CEP192: variants seen among roughly 807,000 people sequenced by gnomAD.
CEP192 encodes the protein centrosomal protein of 192 kDa.
A neutral mutation model predicts 271.8 loss-of-function variants in CEP192; 151 were observed. The observed-to-expected ratio is 0.56, with a 90% CI of 0.49 to 0.64. The LOEUF is 0.64. CEP192 is among the 30% of genes least tolerant of loss of function. The pLI is 0.00. For synonymous variants in CEP192, 995 were observed against 1,076.5 expected (o/e 0.92, Z 1.48); for missense variants, 2,910 against 3,020.5 (o/e 0.96, Z 0.86).
At chr18:13,026,408 C>G (rs542614682) in intron 9 of CEP192, among the ~76,000 whole-genome samples, 3 of 152,190 alleles carry the variant, frequency 2.0e-5, no homozygotes, top group Admixed American at 2.0e-4. Flanking sequence ...ATTTGGAGTT[C>G]TGTGAGCTTC....
At chr18:13,052,506 A>G (rs1161153063) in intron 17 of CEP192, among the ~76,000 whole-genome samples, 1 of 152,174 alleles carries the variant, frequency 6.6e-6, no homozygotes, top group African/African-American at 2.4e-5. Context: ...TGCTCAACCA[A>G]AAGTTGTACC....
At chr18:13,122,047 G>A (rs1451170218) in intron 44 of CEP192, among the ~76,000 whole-genome samples, 1 of 152,042 alleles carries the variant, frequency 6.6e-6, no homozygotes, top group African/African-American at 2.4e-5. Flanking sequence ...CCAACATTTT[G>A]GGAGGCCAAG....
At chr18:13,096,448 C>T in intron 36 of CEP192, 141 bp downstream of exon 36, 1 of 1,073,176 alleles carries the variant, frequency 9.3e-7, no homozygotes, top group African/African-American at 1.6e-5. Flanking sequence ...GTGCATGGTT[C>T]TGCAGGTCAG....
intron 30 of CEP192, among the ~76,000 whole-genome samples, chr18:13,081,051 T>G (rs776527485): frequency 4.6e-5 from 7 of 152,238 alleles, no homozygotes; most frequent in Non-Finnish European, 8.8e-5. Context: ...AGTATTTTAT[T>G]GAAGATTTTC....
At position 13,057,658 on chromosome 18, in the gene CEP192, C is replaced by A; in HGVS notation, c.4182C>A (p.Leu1394=). Residue 1394 remains leucine, a synonymous_variant, in exon 20 of 45, where the codon CTC becomes CTA. Coordinates refer to ENST00000506447, the MANE Select transcript of CEP192 (RefSeq NM_032142.4). ...CCVGIASQTL[L]SVLNPTDRWL... is the part of the protein sequence containing the mutation. ...TCGGGATCGCTTCCCAGACCCTCCTCAGTGTGCTTAATCCAACTGACCGCT... is the reference window on the plus strand; with the variant it reads ...TCGGGATCGCTTCCCAGACCCTCCTAAGTGTGCTTAATCCAACTGACCGCT... The A allele has an allele frequency of 1.2e-6, 2 of 1,614,172 alleles. No homozygotes were observed. The highest frequency in any genetic ancestry group is 1.7e-6 in the Non-Finnish European group (2 of 1,180,012).
In CEP192 at chr18:13,124,861, T is replaced by G. The variant is rs944551782; in HGVS notation, c.*91T>G. The G allele has an allele frequency of 4.0e-6, 4 of 1,010,440 alleles. No homozygotes were observed. Among genetic ancestry groups the G allele is most frequent in the South Asian group, 3.4e-5 (2 of 59,676 alleles). 62.6% of individuals were successfully genotyped at this position (1,010,440 alleles called of 1,614,324 possible). A position where few individuals can be genotyped will look rare whatever the true frequency, so the allele number is the denominator to read the frequency against. On this transcript the variant is annotated 3_prime_UTR_variant, in exon 45 of 45. Transcript: ENST00000506447. ...CTACAATTATGCTTTTGTATATATATTTTGTATGATGGATATCTATAATTG... is the reference window on the plus strand; with the variant it reads ...CTACAATTATGCTTTTGTATATATAGTTTGTATGATGGATATCTATAATTG...
chr18:13,024,319 T>C (rs1599101503), intron 9 of CEP192: 2 of 456,522 alleles, frequency 4.4e-6, no homozygotes, highest in Non-Finnish European at 8.8e-6. Context: ...TCCTGCTTTC[T>C]TTTGACTAGT....
chr18:13,021,171 C>G (rs2034969286), intron 9 of CEP192, among the ~76,000 whole-genome samples: 1 of 152,006 alleles, frequency 6.6e-6, no homozygotes, highest in Non-Finnish European at 1.5e-5. Flanking sequence ...CTGTTTTATT[C>G]TAAGAGTTTT....
intron 30 of CEP192, among the ~76,000 whole-genome samples, chr18:13,079,440 G>T (rs1321875049): frequency 6.6e-6 from 1 of 152,126 alleles, no homozygotes. Flanking sequence ...GTCTTCTTTT[G>T]AGAAGTGTCT....
chr18:13,042,363 A>C (rs2036256374), intron 15 of CEP192, 29 bp downstream of exon 15: 2 of 1,610,908 alleles, frequency 1.2e-6, no homozygotes, highest in South Asian at 2.2e-5. Context: ...AAGGAAATCT[A>C]AGATTATCTT....
chr18:13,030,117 T>C (rs2035532273), intron 10 of CEP192, 115 bp downstream of exon 10: 2 of 923,258 alleles, frequency 2.2e-6, no homozygotes. Flanking sequence ...TTTAGTGTTT[T>C]ATAGTTTAAA....
chr18:13,122,178 C>T (rs2040693742), intron 44 of CEP192, among the ~76,000 whole-genome samples: 1 of 152,150 alleles, frequency 6.6e-6, no homozygotes, highest in South Asian at 2.1e-4. Flanking sequence ...AATCCCAGCA[C>T]TTTGGGAGGC....
At chr18:13,048,498 G>T (rs928037313) in intron 15 of CEP192, among the ~76,000 whole-genome samples, 2 of 152,144 alleles carry the variant, frequency 1.3e-5, no homozygotes, top group African/African-American at 2.4e-5. Flanking sequence ...GAAGGTTCTC[G>T]ACTTAATAAG....
rs79768858 is a variant in CEP192 at position 12,992,559 on chromosome 18, T to C, written c.-5+1122T>C. Among the ~76,000 whole-genome samples, 850 of 152,272 alleles carry C rather than the reference T, an allele frequency of 5.6e-3. 5 individuals are homozygous for C. The highest frequency in any genetic ancestry group is 0.024 in the Middle Eastern group (7 of 294). The stretch of plus-strand genomic sequence containing the variant: ...GTTCAAATAGGATAGAAGAAAAATA[T>C]TGTCTTCACTTGAGATGATGGAGGA... On this transcript the variant is annotated intron_variant, in intron 1 of 44. Transcript: ENST00000506447.
Position 13,049,027 on chromosome 18 carries a change from A to T in CEP192, c.2236A>T (p.Arg746Ter). 1 of 1,614,184 alleles carries T rather than the reference A, an allele frequency of 6.2e-7. No homozygotes were observed. The highest frequency in any genetic ancestry group is 8.5e-7 in the Non-Finnish European group (1 of 1,180,032). Residue 746 changes from arginine (R) to a stop codon, truncating the protein, a stop_gained, in exon 16 of 45, where the codon AGA (arginine) becomes TGA (stop). Coordinates refer to ENST00000506447, the MANE Select transcript of CEP192 (RefSeq NM_032142.4). LOFTEE classifies it high-confidence loss of function. ...AMIKALSNKT[R>*]DKTFQEDEKQ... ...GATCAAGGCACTTTCAAATAAAACC[A>T]GAGACAAGACTTTTCAGGAAGATGA...
chr18:13,084,236 C>T (rs928847844), intron 30 of CEP192, among the ~76,000 whole-genome samples: 26 of 152,128 alleles, frequency 1.7e-4, no homozygotes, highest in Non-Finnish European at 3.8e-4. Context: ...GAGGTGGGCT[C>T]TATAGAGGTT....
intron 13 of CEP192, among the ~76,000 whole-genome samples, chr18:13,038,827 G>A (rs1040222234): frequency 6.6e-6 from 1 of 152,108 alleles, no homozygotes; most frequent in Non-Finnish European, 1.5e-5. Context: ...CAGTTTTATA[G>A]GGCTTTGTAA....
rs369183990 is a variant in CEP192 at position 13,049,321 on chromosome 18, A to G, written c.2530A>G (p.Ile844Val). 5 of 1,614,040 alleles carry G rather than the reference A, an allele frequency of 3.1e-6. No homozygotes were observed. Among genetic ancestry groups the G allele is most frequent in the African/African-American group, 1.3e-5 (1 of 74,948 alleles). The change falls in exon 16 of 45, where the codon ATT (isoleucine) becomes GTT (valine). Residue 844 changes from isoleucine (I) to valine (V), a missense_variant. By Grantham distance (29) the Ile-to-Val change is conservative. Transcript: ENST00000506447. ...GGCACCAGAAGAAAACACAGCAGCT[A>G]TTGTTTATGTTGAAAATGGAGAGAG... is the stretch of plus-strand genomic sequence containing the variant. Reference protein sequence around the residue: ...VRAPEENTAAIVYVENGESEN... With the variant: ...VRAPEENTAAVVYVENGESEN...
In CEP192 at chr18:13,073,080, C is replaced by T. The variant is rs761911510; in HGVS notation, c.5511C>T (p.Asp1837=). ...NCEIRIHPKE[D]IFISVLFAPT... The stretch of plus-strand genomic sequence containing the variant: ...AGATCAGAATTCACCCAAAGGAAGA[C>T]ATTTTCATCTCTGTATTATTTGCAC... The change falls in exon 30 of 45, where the codon GAC becomes GAT. Residue 1837 remains aspartate, a synonymous_variant. Transcript: ENST00000506447. The T allele has an allele frequency of 1.2e-6, 2 of 1,613,708 alleles. No homozygotes were observed. Among genetic ancestry groups the T allele is most frequent in the East Asian group, 2.2e-5 (1 of 44,866 alleles).
Sources: gnomAD v4.1 joint callset for allele counts (sites outside exome capture counted in the v4.1 genomes callset) on GRCh38, gnomAD v4.1.1 for gene constraint, MANE v1.5 for transcripts, NCBI Gene and HGNC (gene_info 2026-07-23, HGNC 2026-07-21) for gene names.